GLCE: variants seen among roughly 807,000 people sequenced by gnomAD.
The protein encoded by GLCE is D-glucuronyl C5-epimerase.
A neutral mutation model predicts 47.9 loss-of-function variants in GLCE; 19 were observed. That is an observed-to-expected ratio of 0.40 (90% confidence interval 0.28 to 0.58). GLCE has a LOEUF of 0.58. Ranked by LOEUF, GLCE falls within the 20% of genes least tolerant of loss-of-function variation. The pLI is 0.48. For missense variants in GLCE, 556 were observed against 743.3 expected, an observed-to-expected ratio of 0.75 and a Z score of 2.93; for synonymous variants, 245 against 263.4, an observed-to-expected ratio of 0.93 and a Z score of 0.68.
chr15:69,199,141 C>T (rs544847845), intron 1 of GLCE, among the ~76,000 whole-genome samples: 1 of 152,254 alleles, frequency 6.6e-6, no homozygotes, highest in East Asian at 1.9e-4. Context: ...ATTATTTCAA[C>T]TGTTTCTTGT....
intron 2 of GLCE, among the ~76,000 whole-genome samples, chr15:69,226,838 A>T (rs1187100051): frequency 1.5e-5 from 2 of 132,074 alleles, no homozygotes; most frequent in Non-Finnish European, 3.1e-5. Context: ...TCCGCCTCCC[A>T]GGTTCAAGCG....
rs1304807333 is a variant in GLCE, at chr15:69,269,208, A to G, written c.1818A>G (p.Lys606=). ...TCAAAGAATTTGTCAAGAGGTGGAA[A>G]AGCTACCTTAAAGGCAGCAGGGCAA... ...PVFKEFVKRW[K]SYLKGSRAKH... is the part of the protein sequence containing the mutation. The change falls in exon 5 of 5, where the codon AAA becomes AAG. Residue 606 remains lysine, a synonymous_variant. Coordinates refer to ENST00000261858, the MANE Select transcript of GLCE (RefSeq NM_015554.3). 6.2e-7 allele frequency: 1 copy of G among 1,614,142 alleles called. No individual in the cohort carries two copies. The highest frequency in any genetic ancestry group is 8.5e-7 in the Non-Finnish European group (1 of 1,180,016).
intron 2 of GLCE, among the ~76,000 whole-genome samples, chr15:69,228,221 A>G (rs181546816): frequency 6.6e-6 from 1 of 152,310 alleles, no homozygotes; most frequent in East Asian, 1.9e-4. Context: ...ACCAGTATGT[A>G]TGGATTGAAG....
intron 2 of GLCE, among the ~76,000 whole-genome samples, chr15:69,225,249 A>T (rs1461857472): frequency 6.6e-6 from 1 of 152,144 alleles, no homozygotes; most frequent in Non-Finnish European, 1.5e-5. Context: ...TGGCATAATA[A>T]AGAGTAAGCC....
intron 1 of GLCE, among the ~76,000 whole-genome samples, chr15:69,174,636 C>CA (rs745482037): frequency 5.1e-4 from 77 of 150,844 alleles, no homozygotes; most frequent in Admixed American, 4.3e-3. Context: ...CAAAACAAAA[C>CA]AAACAAACAA....
chr15:69,197,659 G>A (rs1238888339), intron 1 of GLCE, among the ~76,000 whole-genome samples: 1 of 152,180 alleles, frequency 6.6e-6, no homozygotes, highest in Non-Finnish European at 1.5e-5. Context: ...CAATGTGGAA[G>A]ATGTTGGTGA....
intron 2 of GLCE, among the ~76,000 whole-genome samples, chr15:69,252,689 T>C (rs537397911): frequency 1.3e-5 from 2 of 152,232 alleles, no homozygotes; most frequent in Non-Finnish European, 2.9e-5. Context: ...AAAAGCTTTA[T>C]ATTTCTATAT....
chr15:69,171,158 T>A (rs532754082), intron 1 of GLCE, among the ~76,000 whole-genome samples: 1 of 152,066 alleles, frequency 6.6e-6, no homozygotes, highest in East Asian at 1.9e-4. Context: ...TTACTTAAAC[T>A]TTTATTTACC....
At chr15:69,211,373 T>C (rs1255624459) in intron 2 of GLCE, among the ~76,000 whole-genome samples, 2 of 152,036 alleles carry the variant, frequency 1.3e-5, no homozygotes, top group Non-Finnish European at 2.9e-5. Context: ...GAGTGATGAT[T>C]GTGTGTTTTT....
At chr15:69,258,150 C>T (rs1470495338) in intron 3 of GLCE, among the ~76,000 whole-genome samples, 2 of 152,038 alleles carry the variant, frequency 1.3e-5, no homozygotes, top group Non-Finnish European at 1.5e-5. Context: ...CCGCCACCTA[C>T]CCTCTACCCT....
At chr15:69,255,731 C>G in intron 2 of GLCE, 63 bp from the exon 3 acceptor site, 1 of 860,088 alleles carries the variant, frequency 1.2e-6, no homozygotes, top group African/African-American at 1.7e-5. Context: ...GCAAAGAAAA[C>G]TTTATCCTAT....
chr15:69,226,455 A>G (rs977639976), intron 2 of GLCE, among the ~76,000 whole-genome samples: 2 of 152,214 alleles, frequency 1.3e-5, no homozygotes, highest in African/African-American at 4.8e-5. Context: ...AAATCTGAGA[A>G]ATATTATAGT....
rs1040734663 is a variant in GLCE, at chr15:69,271,429, A to C, written c.*2185A>C. 1 of 152,650 alleles carries C rather than the reference A, an allele frequency of 6.6e-6. No individual in the cohort carries two copies. The highest frequency in any genetic ancestry group is 2.4e-5 in the African/African-American group (1 of 41,452). The allele number at this position is 152,650 out of a possible 1,614,324, so 9.5% of individuals were successfully genotyped here. A position where few individuals can be genotyped will look rare whatever the true frequency, so the allele number is the denominator to read the frequency against. ...TGAAGTATGATAGTCTGCATTTGTA[A>C]TGAGCATTCAAGTGATTCTGATGCA... On this transcript the variant is annotated 3_prime_UTR_variant, in exon 5 of 5. Coordinates refer to ENST00000261858, the MANE Select transcript of GLCE (RefSeq NM_015554.3).
At chr15:69,192,239 TTA>T (rs1270878510) in intron 1 of GLCE, among the ~76,000 whole-genome samples, 1 of 151,678 alleles carries the variant, frequency 6.6e-6, no homozygotes, top group African/African-American at 2.4e-5. Context: ...TTTGGAGGGG[TTA>T]TGTGTGTGTG....
At chr15:69,238,989 A>G (rs1419494531) in intron 2 of GLCE, among the ~76,000 whole-genome samples, 1 of 152,198 alleles carries the variant, frequency 6.6e-6, no homozygotes, top group Non-Finnish European at 1.5e-5. Context: ...ACATGGGGAG[A>G]GAGTGATTAA....
chr15:69,179,773 G>A (rs1041053783), intron 1 of GLCE, among the ~76,000 whole-genome samples: 1 of 152,172 alleles, frequency 6.6e-6, no homozygotes, highest in Admixed American at 6.5e-5. Context: ...TCACTTGAGA[G>A]GTCAGGAGTT....
chr15:69,217,519 C>T (rs2052323169), intron 2 of GLCE, among the ~76,000 whole-genome samples: 1 of 151,918 alleles, frequency 6.6e-6, no homozygotes, highest in Non-Finnish European at 1.5e-5. Flanking sequence ...AGCCTACTTC[C>T]TTGTTTATAG....
rs761681048 is a variant in GLCE, at chr15:69,269,254, C to G, written c.*10C>G. 16 of 1,608,656 alleles carry G rather than the reference C, an allele frequency of 9.9e-6. No homozygotes were observed. The highest frequency in any genetic ancestry group is 1.4e-5 in the Non-Finnish European group (16 of 1,175,788). On this transcript the variant is annotated 3_prime_UTR_variant, in exon 5 of 5. Transcript: ENST00000261858. ...GGCAAAGCACAACTAGAGCTCACAACCAAAACTGCACTTCAGCCTCTGCTG... is the reference window on the plus strand; with the variant it reads ...GGCAAAGCACAACTAGAGCTCACAAGCAAAACTGCACTTCAGCCTCTGCTG...
chr15:69,254,913 C>T (rs2052899859), intron 2 of GLCE, among the ~76,000 whole-genome samples: 1 of 152,040 alleles, frequency 6.6e-6, no homozygotes, highest in Admixed American at 6.6e-5. Context: ...GTTCAAAAGA[C>T]TGGGGCCCTA....
Sources: gnomAD v4.1 joint callset for allele counts (sites outside exome capture counted in the v4.1 genomes callset) on GRCh38, gnomAD v4.1.1 for gene constraint, MANE v1.5 for transcripts, NCBI Gene and HGNC (gene_info 2026-07-23, HGNC 2026-07-21) for gene names.